The following TTC39C variants were observed in gnomAD, a reference collection of about 807,000 sequenced individuals.
The protein encoded by TTC39C is tetratricopeptide repeat protein 39C.
Under a neutral mutation model 76.3 loss-of-function variants are expected in TTC39C, and 33 were observed. The observed-to-expected ratio is 0.43, with a 90% CI of 0.33 to 0.58. The LOEUF (loss-of-function observed/expected upper bound fraction) is 0.58, where lower values mean the gene tolerates loss of function less well. TTC39C is among the 20% of genes least tolerant of loss of function. The pLI, the probability that TTC39C is intolerant of heterozygous loss-of-function variation, is 0.04. For synonymous variants in TTC39C, 254 were observed against 260.6 expected (o/e 0.97, Z 0.24); for missense variants, 595 against 701.4 (o/e 0.85, Z 1.71).
intron 6 of TTC39C, among the ~76,000 whole-genome samples, chr18:24,099,005 ATGTGTGTGTGTG>A (rs71373362): frequency 7.6e-5 from 10 of 130,756 alleles, no homozygotes; most frequent in African/African-American, 1.2e-4. Context: ...AGTTAGAGGA[ATGTGTGTGTGTG>A]TGTGTGTGTG....
intron 4 of TTC39C, among the ~76,000 whole-genome samples, chr18:24,080,312 C>T (rs2084360954): frequency 6.6e-6 from 1 of 152,166 alleles, no homozygotes; most frequent in Admixed American, 6.5e-5. Context: ...ATATTACATA[C>T]CGTACTCTAG....
Position 24,014,856 on chromosome 18 carries a change from AG to A in TTC39C, c.-13del. 1 of 1,323,804 alleles carries A rather than the reference AG, an allele frequency of 7.6e-7. No individual in the cohort carries two copies. The highest frequency in any genetic ancestry group is 9.6e-7 in the Non-Finnish European group (1 of 1,039,062). The allele number at this position is 1,323,804 out of a possible 1,614,324, so 82.0% of individuals were successfully genotyped here. ...TCCCGATCTCGCCTCGGCCCAGCGC[AG>A]GGCCTCGCACGCCCATGGCCGGCTC... On this transcript the variant is annotated 5_prime_UTR_variant, in exon 1 of 14. Coordinates refer to ENST00000317571, the MANE Select transcript of TTC39C (RefSeq NM_001135993.2).
chr18:24,031,691 C>T (rs895706855), intron 1 of TTC39C, among the ~76,000 whole-genome samples: 3 of 152,210 alleles, frequency 2.0e-5, no homozygotes, highest in African/African-American at 7.2e-5. Context: ...CCCTGCCCTT[C>T]CTTTACCTCC....
At chr18:24,073,658 G>T (rs1396608162) in intron 4 of TTC39C, among the ~76,000 whole-genome samples, 1 of 152,052 alleles carries the variant, frequency 6.6e-6, no homozygotes, top group African/African-American at 2.4e-5. Flanking sequence ...TGGGACTACA[G>T]GCATGTACCA....
chr18:24,119,254 G>A (rs2084936525), intron 8 of TTC39C, among the ~76,000 whole-genome samples: 1 of 152,170 alleles, frequency 6.6e-6, no homozygotes, highest in Non-Finnish European at 1.5e-5. Flanking sequence ...TGGAATTGAA[G>A]AAAGCCAAGC....
chr18:24,051,019 C>G (rs1021931840), intron 1 of TTC39C, among the ~76,000 whole-genome samples: 2 of 152,058 alleles, frequency 1.3e-5, no homozygotes, highest in Non-Finnish European at 2.9e-5. Flanking sequence ...ACGCATCAGT[C>G]AGAGCAATAG....
chr18:24,132,419 T>TA, intron 13 of TTC39C, 66 bp from the exon 14 acceptor site: 4 of 1,423,186 alleles, frequency 2.8e-6, no homozygotes, highest in Non-Finnish European at 3.9e-6. Flanking sequence ...GAGTGTGCTT[T>TA]ATACCACAGT....
chr18:24,109,176 C>CAAAAAAAAAAAAAAAA (rs35872928), intron 6 of TTC39C, among the ~76,000 whole-genome samples: 8 of 73,874 alleles, frequency 1.1e-4, no homozygotes, highest in East Asian at 8.0e-4. Flanking sequence ...CCCGTCTCTA[C>CAAAAAAAAAAAAAAAA]AAAAAAAAAA....
intron 9 of TTC39C, among the ~76,000 whole-genome samples, chr18:24,125,044 C>CTGTA (rs1377332008): frequency 6.6e-6 from 1 of 152,180 alleles, no homozygotes; most frequent in Non-Finnish European, 1.5e-5. Context: ...AGGCATGTGC[C>CTGTA]ACCATACCCG....
At chr18:24,091,137 A>G (rs1311111503) in intron 6 of TTC39C, among the ~76,000 whole-genome samples, 3 of 152,190 alleles carry the variant, frequency 2.0e-5, no homozygotes, top group African/African-American at 7.2e-5. Flanking sequence ...CATGGACATC[A>G]AGACACGTCA....
chr18:24,121,638 G>C (rs1157746814), intron 8 of TTC39C, among the ~76,000 whole-genome samples: 3 of 152,106 alleles, frequency 2.0e-5, no homozygotes, highest in Non-Finnish European at 4.4e-5. Context: ...CGTTCTTCAG[G>C]GTCTGAGGTA....
At chr18:24,114,418 A>G (rs2084864853) in intron 6 of TTC39C, 136 bp from the exon 7 acceptor site, 3 of 635,998 alleles carry the variant, frequency 4.7e-6, no homozygotes, top group South Asian at 2.0e-5. Context: ...TTTCCTAGCA[A>G]TCTTTAAACC....
chr18:24,008,967 C>T (rs1340381481), intron 1 of TTC39C, among the ~76,000 whole-genome samples: 4 of 152,192 alleles, frequency 2.6e-5, no homozygotes, highest in Admixed American at 2.6e-4. Context: ...CCAAACACCA[C>T]ATGTTCTCAC....
chr18:24,040,731 G>A (rs576981976), intron 1 of TTC39C, among the ~76,000 whole-genome samples: 23 of 152,290 alleles, frequency 1.5e-4, no homozygotes, highest in South Asian at 8.3e-4. Flanking sequence ...GGCATCTAGC[G>A]CGCTCTCTCT....
chr18:24,045,377 G>A (rs1213991906), intron 1 of TTC39C, among the ~76,000 whole-genome samples: 1 of 151,966 alleles, frequency 6.6e-6, no homozygotes, highest in African/African-American at 2.4e-5. Flanking sequence ...AAAGTATAAG[G>A]CGCTCTGCTT....
rs1468985748 is a variant in TTC39C at position 24,128,920 on chromosome 18, A to T, written c.1455A>T (p.Gly485=). 1 of 1,613,502 alleles carries T rather than the reference A, an allele frequency of 6.2e-7. No homozygotes were observed. Among genetic ancestry groups the T allele is most frequent in the Non-Finnish European group, 8.5e-7 (1 of 1,179,834 alleles). The change falls in exon 11 of 14, where the codon GGA becomes GGT. Residue 485 remains glycine (G), a synonymous_variant. Coordinates refer to ENST00000317571, the MANE Select transcript of TTC39C (RefSeq NM_001135993.2). ...CHEVDDSSVV[G]LKYLLLGAIH... is the part of the protein sequence containing the mutation. Reference sequence around the variant, plus strand: ...AAGTGGATGACTCATCTGTTGTTGGATTAAAGTATTTGCTTCTTGGTGCCA... The same window carrying T: ...AAGTGGATGACTCATCTGTTGTTGGTTTAAAGTATTTGCTTCTTGGTGCCA...
chr18:24,039,808 G>A (rs556947365), intron 1 of TTC39C, among the ~76,000 whole-genome samples: 1 of 152,344 alleles, frequency 6.6e-6, no homozygotes, highest in South Asian at 2.1e-4. Flanking sequence ...ATAGGAGGTA[G>A]ATTCAGCAGG....
intron 5 of TTC39C, among the ~76,000 whole-genome samples, 195 bp from the exon 6 acceptor site, chr18:24,082,718 T>C (rs1180009630): frequency 6.6e-6 from 1 of 152,218 alleles, no homozygotes; most frequent in Non-Finnish European, 1.5e-5. Context: ...TTCTGATTTA[T>C]ATATTGTGCT....
At chr18:24,029,015 G>A (rs965822415) in intron 1 of TTC39C, among the ~76,000 whole-genome samples, 8 of 152,214 alleles carry the variant, frequency 5.3e-5, no homozygotes, top group South Asian at 2.1e-4. Flanking sequence ...GGGCCACCGC[G>A]CCCCTACGTA....
Sources: allele counts gnomAD v4.1 joint callset (sites outside exome capture counted in the v4.1 genomes callset), GRCh38; gene constraint gnomAD v4.1.1; transcripts MANE v1.5; gene names NCBI Gene and HGNC (gene_info 2026-07-23, HGNC 2026-07-21).